ZCCHC7: variants seen among roughly 807,000 people sequenced by gnomAD.
The protein encoded by ZCCHC7 is zinc finger CCHC-type containing 7, also known as zinc finger CCHC domain-containing protein 7.
Under a neutral mutation model 52.0 loss-of-function variants are expected in ZCCHC7, and 35 were observed. That is an observed-to-expected ratio of 0.67 (90% CI 0.51 to 0.89). The LOEUF (loss-of-function observed/expected upper bound fraction) is 0.89, where lower values mean the gene tolerates loss of function less well. Among genes scored for constraint, ZCCHC7 ranks in the 40% least tolerant of loss-of-function variants. ZCCHC7 has a pLI of 0.00. For synonymous variants in ZCCHC7, 217 were observed against 221.5 expected, an observed-to-expected ratio of 0.98 and a Z score of 0.18; for missense variants, 574 against 649.1, an observed-to-expected ratio of 0.88 and a Z score of 1.26.
intron 5 of ZCCHC7, among the ~76,000 whole-genome samples, chr9:37,320,306 A>G (rs1029051263): frequency 1.3e-5 from 2 of 152,058 alleles, no homozygotes. Context: ...TCGAACTCCT[A>G]ACCTCAGGTG....
intron 2 of ZCCHC7, among the ~76,000 whole-genome samples, chr9:37,209,863 C>T (rs1824120584): frequency 6.6e-6 from 1 of 152,076 alleles, no homozygotes. Flanking sequence ...GGGCAGATTA[C>T]TTGGGCAGAT....
At chr9:37,257,837 T>C (rs1826664506) in intron 2 of ZCCHC7, among the ~76,000 whole-genome samples, 1 of 152,198 alleles carries the variant, frequency 6.6e-6, no homozygotes. Flanking sequence ...CACTAGAAGC[T>C]AAGCAGATGC....
rs537098096 is a variant in ZCCHC7, at chr9:37,331,984, A to G, written c.987+4150A>G. Reference sequence around the variant, plus strand: ...CCTAGCACATAGGTTTTCATAAGCTAATACATTATAAGTTCATTTTGGAAG... The same window carrying G: ...CCTAGCACATAGGTTTTCATAAGCTGATACATTATAAGTTCATTTTGGAAG... On this transcript the variant is annotated intron_variant, in intron 6 of 8. Transcript: ENST00000336755. 5.9e-5 allele frequency among the ~76,000 whole-genome samples: 9 copies of G among 151,774 alleles called. No homozygotes were observed. In the East Asian group the frequency reaches 1.7e-3, roughly 29 times the overall value.
chr9:37,341,844 C>G (rs1820658742), intron 6 of ZCCHC7, among the ~76,000 whole-genome samples: 1 of 152,048 alleles, frequency 6.6e-6, no homozygotes, highest in Admixed American at 6.6e-5. Flanking sequence ...GGAAGTTTGT[C>G]TGGGGTATTC....
At chr9:37,244,241 G>A (rs1285871771) in intron 2 of ZCCHC7, among the ~76,000 whole-genome samples, 3 of 146,306 alleles carry the variant, frequency 2.1e-5, no homozygotes, top group East Asian at 2.0e-4. Flanking sequence ...GAATGTCTTC[G>A]TTTAAAGAAA....
intron 2 of ZCCHC7, among the ~76,000 whole-genome samples, chr9:37,184,520 C>T (rs1822546198): frequency 6.6e-6 from 1 of 152,094 alleles, no homozygotes; most frequent in Non-Finnish European, 1.5e-5. Context: ...TCCTGAATCC[C>T]CTGACACCTC....
chr9:37,222,430 T>TG (rs1467275214), intron 2 of ZCCHC7, among the ~76,000 whole-genome samples: 72 of 151,142 alleles, frequency 4.8e-4, no homozygotes, highest in African/African-American at 1.7e-3. Context: ...ATTTTTAATT[T>TG]GGGGAAAGGA....
intron 2 of ZCCHC7, among the ~76,000 whole-genome samples, chr9:37,173,574 T>C (rs1045512401): frequency 2.6e-5 from 4 of 152,242 alleles, no homozygotes; most frequent in African/African-American, 9.6e-5. Context: ...ATCTATTGTA[T>C]AGAGCCAAAT....
At chr9:37,288,635 A>G (rs1828379587) in intron 2 of ZCCHC7, among the ~76,000 whole-genome samples, 1 of 152,098 alleles carries the variant, frequency 6.6e-6, no homozygotes, top group Non-Finnish European at 1.5e-5. Context: ...TCTTAATAGG[A>G]TCACCAGTGA....
At chr9:37,259,467 G>A (rs999539834) in intron 2 of ZCCHC7, among the ~76,000 whole-genome samples, 9 of 152,032 alleles carry the variant, frequency 5.9e-5, no homozygotes, top group Admixed American at 1.3e-4. Context: ...TGTCAATTAT[G>A]TTTGGCAAAT....
intron 7 of ZCCHC7, among the ~76,000 whole-genome samples, chr9:37,352,449 T>C: frequency 6.6e-6 from 1 of 151,094 alleles, no homozygotes. Flanking sequence ...AAGATTCTGC[T>C]GAAATGAGTA....
intron 2 of ZCCHC7, among the ~76,000 whole-genome samples, chr9:37,296,064 T>C (rs997903752): frequency 2.0e-5 from 3 of 152,166 alleles, no homozygotes; most frequent in Non-Finnish European, 4.4e-5. Flanking sequence ...GCCATTACTT[T>C]CAAAGGCATA....
At chr9:37,228,526 C>G (rs1825234092) in intron 2 of ZCCHC7, among the ~76,000 whole-genome samples, 1 of 151,678 alleles carries the variant, frequency 6.6e-6, no homozygotes, top group Non-Finnish European at 1.5e-5. Flanking sequence ...CAACACCATG[C>G]CTAGCTAATT....
intron 2 of ZCCHC7, among the ~76,000 whole-genome samples, chr9:37,237,743 T>C (rs117455428): frequency 0.026 from 3,917 of 152,292 alleles, 74 homozygotes; most frequent in Middle Eastern, 0.048. Context: ...GCAAGAGTTA[T>C]TAAAGAGAGC....
At chr9:37,196,223 C>G (rs895688633) in intron 2 of ZCCHC7, among the ~76,000 whole-genome samples, 1 of 152,082 alleles carries the variant, frequency 6.6e-6, no homozygotes, top group African/African-American at 2.4e-5. Context: ...GTCACTCTGT[C>G]CAGTACAACA....
At chr9:37,330,499 C>G (rs1311939299) in intron 6 of ZCCHC7, among the ~76,000 whole-genome samples, 1 of 151,040 alleles carries the variant, frequency 6.6e-6, no homozygotes. Context: ...TTTAATGATT[C>G]TATAATTATA....
chr9:37,126,901 T>A lies in ZCCHC7; in HGVS notation c.569T>A (p.Ile190Asn). ...GCEVDDKDDD[I>N]LLNLVGCENS... ...GAAGTAGATGATAAAGATGATGATATCCTTCTCAACCTTGTGGGATGTGAA... is the reference window on the plus strand; with the variant it reads ...GAAGTAGATGATAAAGATGATGATAACCTTCTCAACCTTGTGGGATGTGAA... Residue 190 changes from isoleucine to asparagine, a missense_variant, in exon 2 of 9, where the codon ATC becomes AAC. This residue lies in a region of ZCCHC7 where 403 missense variants were observed against 461.2 expected (regional missense o/e 0.87). Transcript: ENST00000336755. The A allele has an allele frequency of 6.2e-7, 1 of 1,614,022 alleles. No homozygotes were observed. Among genetic ancestry groups the A allele is most frequent in the Non-Finnish European group, 8.5e-7 (1 of 1,180,000 alleles).
intron 2 of ZCCHC7, among the ~76,000 whole-genome samples, chr9:37,228,288 C>T (rs1014107672): frequency 3.3e-5 from 5 of 151,928 alleles, no homozygotes; most frequent in African/African-American, 1.2e-4. Flanking sequence ...ATGTTCTGTA[C>T]CTTAATTGTG....
chr9:37,183,604 T>C (rs1822485786), intron 2 of ZCCHC7, among the ~76,000 whole-genome samples: 1 of 152,224 alleles, frequency 6.6e-6, no homozygotes, highest in Non-Finnish European at 1.5e-5. Context: ...ATAAACATTT[T>C]ATATGGTTCA....
Sources: gnomAD v4.1 joint callset for allele counts (sites outside exome capture counted in the v4.1 genomes callset) on GRCh38, gnomAD v4.1.1 for gene constraint, gnomAD v4.1.1 regional missense constraint, MANE v1.5 for transcripts, NCBI Gene and HGNC (gene_info 2026-07-23, HGNC 2026-07-21) for gene names.